The following LYPLA1 variants were observed in gnomAD, a reference collection of about 807,000 sequenced individuals.
LYPLA1 encodes the protein lysophospholipase 1.
In LYPLA1, 17 loss-of-function variants were observed where a neutral mutation model predicts 34.0. The observed-to-expected ratio is 0.50, with a 90% CI of 0.34 to 0.75. The LOEUF is 0.75. Ranked by LOEUF, LYPLA1 falls within the 30% of genes least tolerant of loss-of-function variation. LYPLA1 has a pLI of 0.01. For synonymous variants in LYPLA1, 98 were observed against 100.8 expected, an observed-to-expected ratio of 0.97 and a Z score of 0.17; for missense variants, 203 against 288.8, an observed-to-expected ratio of 0.70 and a Z score of 2.15.
chr8:54,052,529 G>A, intron 7 of LYPLA1, 126 bp downstream of exon 7: 1 of 639,204 alleles, frequency 1.6e-6, no homozygotes, highest in Non-Finnish European at 2.7e-6. Context: ...GTTTTGCTGT[G>A]AATTTAGAAC....
At chr8:54,095,257 A>G (rs796881331) in intron 2 of LYPLA1, among the ~76,000 whole-genome samples, 4 of 152,266 alleles carry the variant, frequency 2.6e-5, no homozygotes, top group Non-Finnish European at 4.4e-5. Flanking sequence ...TCAGCCTCCC[A>G]AAGTGCTGGA....
At chr8:54,079,209 A>G (rs1808129219) in intron 2 of LYPLA1, among the ~76,000 whole-genome samples, 1 of 152,030 alleles carries the variant, frequency 6.6e-6, no homozygotes, top group Non-Finnish European at 1.5e-5. Context: ...TGAACTCCTG[A>G]CCTCAAGTGA....
chr8:54,076,358 T>G (rs1005557489), intron 2 of LYPLA1, among the ~76,000 whole-genome samples: 10 of 152,182 alleles, frequency 6.6e-5, no homozygotes, highest in Admixed American at 2.0e-4. Context: ...TAAAAACACT[T>G]GGAAGCTCTG....
At chr8:54,062,537 A>C (rs1174332220) in intron 4 of LYPLA1, among the ~76,000 whole-genome samples, 2 of 129,200 alleles carry the variant, frequency 1.5e-5, no homozygotes, top group South Asian at 3.2e-4. Context: ...TTTGAGACGA[A>C]GTCTCACTCT....
chr8:54,100,778 T>C (rs1810071372), intron 2 of LYPLA1, 130 bp downstream of exon 2: 2 of 755,422 alleles, frequency 2.6e-6, no homozygotes, highest in Non-Finnish European at 4.6e-6. Context: ...ATCACCGCAC[T>C]GTAAGATACA....
chr8:54,101,843 C>A lies in LYPLA1; in HGVS notation c.-20G>T, dbSNP rs370635526. ...GCACATACACCGCCTCAGCTCACAG[C>A]GCAAGCGGAAGGAAGAGCGGGCGCC... On this transcript the variant is annotated 5_prime_UTR_variant, in exon 1 of 9. Coordinates refer to ENST00000316963, the MANE Select transcript of LYPLA1 (RefSeq NM_006330.4). 2.1e-4 allele frequency: 265 copies of A among 1,249,780 alleles called. No homozygotes were observed. The African/African-American group carries it at 3.7e-3, about 17-fold the overall frequency. 77.4% of individuals were successfully genotyped at this position (1,249,780 alleles called of 1,614,324 possible). A position where few individuals can be genotyped will look rare whatever the true frequency, so the allele number is the denominator to read the frequency against.
chr8:54,060,479 C>T (rs961318386), intron 5 of LYPLA1, among the ~76,000 whole-genome samples: 1 of 151,928 alleles, frequency 6.6e-6, no homozygotes. Context: ...TTCTGTTTCT[C>T]CCTCCGAACA....
At chr8:54,096,653 G>C (rs952069993) in intron 2 of LYPLA1, among the ~76,000 whole-genome samples, 12 of 151,766 alleles carry the variant, frequency 7.9e-5, no homozygotes, top group African/African-American at 2.9e-4. Flanking sequence ...TGAGGCAGGA[G>C]ACTCACTTGA....
intron 2 of LYPLA1, among the ~76,000 whole-genome samples, chr8:54,087,177 G>A (rs1436089717): frequency 2.6e-5 from 4 of 152,132 alleles, no homozygotes; most frequent in Non-Finnish European, 4.4e-5. Context: ...AAGAGCTATT[G>A]AGGTCAGCAA....
chr8:54,083,996 G>A (rs940044092), intron 2 of LYPLA1, among the ~76,000 whole-genome samples: 6 of 151,588 alleles, frequency 4.0e-5, no homozygotes, highest in Non-Finnish European at 7.4e-5. Context: ...AAACTAGCCC[G>A]GTGTGGCAGT....
chr8:54,101,654 T>A (rs1243529882), intron 1 of LYPLA1, 101 bp downstream of exon 1: 3 of 1,163,124 alleles, frequency 2.6e-6, no homozygotes, highest in African/African-American at 1.6e-5. Flanking sequence ...AGCGTCCTCG[T>A]CCGCAGGCCG....
chr8:54,100,551 A>C (rs945750296), intron 2 of LYPLA1: 1 of 269,926 alleles, frequency 3.7e-6, no homozygotes. Flanking sequence ...ATCAAAATCA[A>C]CTAGTTCTTC....
At chr8:54,089,507 T>C (rs1316251314) in intron 2 of LYPLA1, among the ~76,000 whole-genome samples, 2 of 133,328 alleles carry the variant, frequency 1.5e-5, no homozygotes, top group African/African-American at 3.1e-5. Flanking sequence ...GGGGGCGGGA[T>C]CTTTGAACAT....
chr8:54,061,845 T>C (rs1806656323), intron 5 of LYPLA1, among the ~76,000 whole-genome samples: 1 of 152,072 alleles, frequency 6.6e-6, no homozygotes, highest in Non-Finnish European at 1.5e-5. Context: ...TGTGGTTTTT[T>C]TTGGTTTGTT....
rs969738890 is a variant in LYPLA1, at chr8:54,063,308, A to G, written c.215+20T>C. The G allele has an allele frequency of 1.0e-5, 14 of 1,396,232 alleles. No individual in the cohort carries two copies. In the African/African-American group the frequency reaches 1.5e-4, roughly 15 times the overall value. The allele number at this position is 1,396,232 out of a possible 1,614,324, so 86.5% of individuals were successfully genotyped here. A position where few individuals can be genotyped will look rare whatever the true frequency, so the allele number is the denominator to read the frequency against. ...ATAAGTAATATAATGTTCTTATTCA[A>G]TAAGTAAATTCTTACTTACCATGAA... On this transcript the variant is annotated intron_variant, in intron 4 of 8. Coordinates refer to ENST00000316963, the MANE Select transcript of LYPLA1 (RefSeq NM_006330.4).
chr8:54,094,556 T>C (rs867551727), intron 2 of LYPLA1, among the ~76,000 whole-genome samples: 1 of 152,200 alleles, frequency 6.6e-6, no homozygotes, highest in Non-Finnish European at 1.5e-5. Flanking sequence ...TGAATACTTA[T>C]AAATACTAAA....
chr8:54,061,049 T>C (rs1426477312), intron 5 of LYPLA1, among the ~76,000 whole-genome samples: 1 of 151,960 alleles, frequency 6.6e-6, no homozygotes, highest in Non-Finnish European at 1.5e-5. Flanking sequence ...TTCACTGTTA[T>C]TCCAAGTCTC....
rs1807001220 is a variant in LYPLA1 at position 54,065,559 on chromosome 8, G to GA, written c.167+188dup. On this transcript the variant is annotated intron_variant, in intron 3 of 8. Transcript: ENST00000316963. Reference sequence around the variant, plus strand: ...ATATTTTAAATTGCTTAACGAAAGAGAAAAAGAAAAAAATCAATTTACCTA... The same window carrying GA: ...ATATTTTAAATTGCTTAACGAAAGAGAAAAAAGAAAAAAATCAATTTACCTA... Among the ~76,000 whole-genome samples, 6 of 118,228 alleles carry GA rather than the reference G, an allele frequency of 5.1e-5. No homozygotes were observed. The South Asian group carries it at 1.7e-3, about 34-fold the overall frequency. 77.6% of individuals were successfully genotyped at this position (118,228 alleles called of 152,430 possible). A position where few individuals can be genotyped will look rare whatever the true frequency, so the allele number is the denominator to read the frequency against.
Position 54,101,521 on chromosome 8 carries a change from C to T in LYPLA1, c.69+234G>A, listed in dbSNP as rs574487854. 174 of 1,138,772 alleles carry T rather than the reference C, an allele frequency of 1.5e-4. No homozygotes were observed. The African/African-American group carries it at 2.6e-3, about 17-fold the overall frequency. The allele number at this position is 1,138,772 out of a possible 1,614,324, so 70.5% of individuals were successfully genotyped here. On this transcript the variant is annotated intron_variant, in intron 1 of 8. Transcript: ENST00000316963. ...GGCCCGCGGGGGTCCCGGGGCCACACTTCCTCCGCAATGCAGGGAGGAGCT... is the reference window on the plus strand; with the variant it reads ...GGCCCGCGGGGGTCCCGGGGCCACATTTCCTCCGCAATGCAGGGAGGAGCT...
Sources: gnomAD v4.1 joint callset for allele counts (sites outside exome capture counted in the v4.1 genomes callset) on GRCh38, gnomAD v4.1.1 for gene constraint, MANE v1.5 for transcripts, NCBI Gene and HGNC (gene_info 2026-07-23, HGNC 2026-07-21) for gene names.